Variants in SLC26A7 observed in about 807,000 individuals in gnomAD.
SLC26A7 encodes anion exchange transporter.
In SLC26A7, 59 loss-of-function variants were observed where a neutral mutation model predicts 82.5. The observed-to-expected ratio is 0.72, with a 90% CI of 0.58 to 0.89. The LOEUF (loss-of-function observed/expected upper bound fraction) is 0.89. SLC26A7 is among the 40% of genes least tolerant of loss of function. SLC26A7 has a pLI of 0.00. For synonymous variants in SLC26A7, 271 were observed against 274.3 expected (o/e 0.99, Z 0.12); for missense variants, 820 against 793.0 (o/e 1.03, Z -0.41).
intron 2 of SLC26A7, among the ~76,000 whole-genome samples, chr8:91,285,377 G>A (rs1349500395): frequency 2.6e-5 from 4 of 152,246 alleles, no homozygotes; most frequent in African/African-American, 9.6e-5. Context: ...GTCACATGAT[G>A]TTCTTCCTGT....
At chr8:91,371,700 G>C (rs1479212712) in intron 15 of SLC26A7, among the ~76,000 whole-genome samples, 1 of 151,996 alleles carries the variant, frequency 6.6e-6, no homozygotes, top group East Asian at 1.9e-4. Context: ...AAGACTGCAG[G>C]ATTTTCTTTG....
intron 1 of SLC26A7, among the ~76,000 whole-genome samples, chr8:91,213,856 T>A (rs1026884584): frequency 2.0e-5 from 3 of 152,040 alleles, no homozygotes; most frequent in African/African-American, 4.8e-5. Flanking sequence ...ATCAGTTAGG[T>A]TGGTTTGTGG....
intron 4 of SLC26A7, among the ~76,000 whole-genome samples, chr8:91,300,094 T>A (rs1434131652): frequency 1.3e-5 from 2 of 152,230 alleles, no homozygotes; most frequent in African/African-American, 4.8e-5. Context: ...ATCTTTATGA[T>A]GTTGATTTGT....
chr8:91,222,314 C>A (rs1056708581), intron 2 of SLC26A7, among the ~76,000 whole-genome samples: 2 of 152,130 alleles, frequency 1.3e-5, no homozygotes, highest in African/African-American at 4.8e-5. Context: ...CTTCTGCAAA[C>A]AGAAACAACT....
intron 1 of SLC26A7, among the ~76,000 whole-genome samples, chr8:91,209,999 C>T (rs1024229458): frequency 1.3e-5 from 2 of 152,132 alleles, no homozygotes; most frequent in Non-Finnish European, 2.9e-5. Flanking sequence ...TTGAGGAGAT[C>T]ACAGACTATT....
At chr8:91,385,281 G>A (rs1200132592) in intron 15 of SLC26A7, among the ~76,000 whole-genome samples, 1 of 152,108 alleles carries the variant, frequency 6.6e-6, no homozygotes, top group Non-Finnish European at 1.5e-5. Flanking sequence ...TCTTTTCTAG[G>A]ATTATATGAT....
At chr8:91,214,651 C>G (rs1471060289) in intron 1 of SLC26A7, among the ~76,000 whole-genome samples, 1 of 152,036 alleles carries the variant, frequency 6.6e-6, no homozygotes, top group Non-Finnish European at 1.5e-5. Flanking sequence ...GGGATTAGAC[C>G]AGTCTCTTCT....
chr8:91,242,167 G>A (rs1484432150), intron 2 of SLC26A7, among the ~76,000 whole-genome samples: 1 of 152,074 alleles, frequency 6.6e-6, no homozygotes, highest in Non-Finnish European at 1.5e-5. Flanking sequence ...GTCTAATGAA[G>A]TTTTTAGACA....
At chr8:91,336,485 A>T (rs1813245049) in intron 6 of SLC26A7, among the ~76,000 whole-genome samples, 1 of 152,020 alleles carries the variant, frequency 6.6e-6, no homozygotes, top group Non-Finnish European at 1.5e-5. Flanking sequence ...CTGAGGTGGA[A>T]CAGCTTCATC....
At chr8:91,359,845 A>G (rs1186802836) in intron 11 of SLC26A7, among the ~76,000 whole-genome samples, 1 of 151,978 alleles carries the variant, frequency 6.6e-6, no homozygotes, top group African/African-American at 2.4e-5. Context: ...GACTGTGCCT[A>G]GAGTATCATG....
At position 91,309,012 on chromosome 8, in the gene SLC26A7, T is replaced by G. The variant is rs79708002; in HGVS notation, c.478-9204T>G. On this transcript the variant is annotated intron_variant, in intron 4 of 18. Transcript: ENST00000276609. The stretch of plus-strand genomic sequence containing the variant: ...GTTTTATTAGAGAAAGCTGTTAGAC[T>G]TTAAGATTTAGATGGTAGGTATGCT... 2.7e-3 allele frequency among the ~76,000 whole-genome samples: 417 copies of G among 152,294 alleles called. 6 individuals are homozygous for G. The highest frequency in any genetic ancestry group is 0.027 in the South Asian group (129 of 4,828).
chr8:91,302,594 A>G (rs745567724), intron 4 of SLC26A7, among the ~76,000 whole-genome samples: 1 of 152,118 alleles, frequency 6.6e-6, no homozygotes, highest in Non-Finnish European at 1.5e-5. Context: ...AATAAATTTT[A>G]CATATTTAGA....
intron 11 of SLC26A7, among the ~76,000 whole-genome samples, chr8:91,358,411 C>T (rs1193227493): frequency 6.6e-6 from 1 of 151,116 alleles, no homozygotes; most frequent in Non-Finnish European, 1.5e-5. Context: ...TCACTGCAAG[C>T]TCCACCTCCT....
At chr8:91,352,700 ATTC>A (rs1813750415) in intron 10 of SLC26A7, among the ~76,000 whole-genome samples, 198 bp from the exon 11 acceptor site, 1 of 152,042 alleles carries the variant, frequency 6.6e-6, no homozygotes, top group Non-Finnish European at 1.5e-5. Flanking sequence ...TACCTTATGA[ATTC>A]TAGAATATAT....
chr8:91,307,816 TAA>T lies in SLC26A7; in HGVS notation c.478-10393_478-10392del, dbSNP rs71273693. On this transcript the variant is annotated intron_variant, in intron 4 of 18. Coordinates refer to ENST00000276609, the MANE Select transcript of SLC26A7 (RefSeq NM_052832.4). ...AAGTATAATAATAAAAATAAATAAA[TAA>T]AAAAAATAAATTTCTTAAAATAAAA... Among the ~76,000 whole-genome samples the T allele has an allele frequency of 2.8e-4, 42 of 150,902 alleles. No individual in the cohort carries two copies. The South Asian group carries it at 8.6e-3, about 31-fold the overall frequency.
chr8:91,300,689 G>A (rs1021048335), intron 4 of SLC26A7, among the ~76,000 whole-genome samples: 1 of 152,192 alleles, frequency 6.6e-6, no homozygotes, highest in African/African-American at 2.4e-5. Flanking sequence ...GAGCCACCGC[G>A]CCCGGCCAGA....
intron 4 of SLC26A7, among the ~76,000 whole-genome samples, chr8:91,317,090 G>T (rs1812657375): frequency 6.6e-6 from 1 of 151,112 alleles, no homozygotes; most frequent in Non-Finnish European, 1.5e-5. Flanking sequence ...AGCCTGGGGG[G>T]TGGAGGTTGC....
intron 2 of SLC26A7, among the ~76,000 whole-genome samples, chr8:91,238,103 T>C (rs896976094): frequency 2.6e-5 from 4 of 152,202 alleles, no homozygotes; most frequent in Non-Finnish European, 5.9e-5. Flanking sequence ...CACTGCTGTA[T>C]TCTTGAATCT....
chr8:91,243,050 A>T (rs1019809191), intron 2 of SLC26A7, among the ~76,000 whole-genome samples: 1 of 152,192 alleles, frequency 6.6e-6, no homozygotes, highest in African/African-American at 2.4e-5. Flanking sequence ...GTGGATTTGC[A>T]AAAAGTTAAA....
Sources: gnomAD v4.1 joint callset for allele counts (sites outside exome capture counted in the v4.1 genomes callset) on GRCh38, gnomAD v4.1.1 for gene constraint, MANE v1.5 for transcripts, NCBI Gene and HGNC (gene_info 2026-07-23, HGNC 2026-07-21) for gene names.